ZNRF3: variants seen among roughly 807,000 people sequenced by gnomAD.
ZNRF3 encodes the protein E3 ubiquitin-protein ligase ZNRF3.
Under a neutral mutation model 72.5 loss-of-function variants are expected in ZNRF3, and 23 were observed. The observed-to-expected ratio is 0.32, with a 90% CI of 0.23 to 0.45. The LOEUF (loss-of-function observed/expected upper bound fraction) is 0.45, where lower values mean the gene tolerates loss of function less well. ZNRF3 is among the 20% of genes least tolerant of loss of function. The pLI is 1.00. For synonymous variants in ZNRF3, 610 were observed against 545.3 expected, an observed-to-expected ratio of 1.12 and a Z score of -1.65; for missense variants, 1,169 against 1,272.1, an observed-to-expected ratio of 0.92 and a Z score of 1.23.
intron 1 of ZNRF3, among the ~76,000 whole-genome samples, chr22:28,931,194 TC>T (rs1286604970): frequency 1.3e-5 from 2 of 152,342 alleles, no homozygotes; most frequent in Non-Finnish European, 1.5e-5. Flanking sequence ...CTTTTGTTCT[TC>T]CAGTGATTCG....
At chr22:28,928,526 C>CTCTG (rs2034644322) in intron 1 of ZNRF3, among the ~76,000 whole-genome samples, 1 of 122,816 alleles carries the variant, frequency 8.1e-6, no homozygotes, top group Admixed American at 1.0e-4. Flanking sequence ...CGGAGTCTTG[C>CTCTG]TCTGTCACTC....
chr22:28,886,714 T>G (rs1323827364), intron 1 of ZNRF3, among the ~76,000 whole-genome samples: 1 of 152,016 alleles, frequency 6.6e-6, no homozygotes, highest in Admixed American at 6.6e-5. Flanking sequence ...GTCTCAGCAT[T>G]TTGGGAGGCT....
intron 1 of ZNRF3, among the ~76,000 whole-genome samples, chr22:28,966,867 C>CTTTTTTTTTTTTTTTTTT (rs530036984): frequency 2.9e-5 from 3 of 102,460 alleles, no homozygotes; most frequent in African/African-American, 1.2e-4. Flanking sequence ...TTTTAAAAAT[C>CTTTTTTTTTTTTTTTTTT]TTTTTTTTTT....
At chr22:28,957,736 G>A (rs2035285246) in intron 1 of ZNRF3, among the ~76,000 whole-genome samples, 3 of 151,824 alleles carry the variant, frequency 2.0e-5, no homozygotes, top group African/African-American at 7.3e-5. Flanking sequence ...ACCACGCCCG[G>A]CCAATGACTG....
At chr22:29,047,005 T>C (rs1463414108) in intron 6 of ZNRF3, 122 bp downstream of exon 6, 11 of 953,196 alleles carry the variant, frequency 1.2e-5, no homozygotes, top group Non-Finnish European at 1.2e-5. Flanking sequence ...AGAGTCACTC[T>C]TCTGAAAATT....
At chr22:28,895,127 T>A (rs992330138) in intron 1 of ZNRF3, among the ~76,000 whole-genome samples, 1 of 152,202 alleles carries the variant, frequency 6.6e-6, no homozygotes, top group Non-Finnish European at 1.5e-5. Flanking sequence ...TTGGCAAGTC[T>A]CTTTTCTCTC....
chr22:28,917,848 T>G (rs2034437067), intron 1 of ZNRF3, among the ~76,000 whole-genome samples: 1 of 152,228 alleles, frequency 6.6e-6, no homozygotes, highest in Non-Finnish European at 1.5e-5. Context: ...GAGGGCGTGC[T>G]GTCCCCTGGC....
At chr22:28,977,315 G>T (rs1337625978) in intron 1 of ZNRF3, among the ~76,000 whole-genome samples, 1 of 152,094 alleles carries the variant, frequency 6.6e-6, no homozygotes, top group Non-Finnish European at 1.5e-5. Flanking sequence ...TCATTGCTAT[G>T]ACAACAGGGA....
At chr22:29,033,731 G>A (rs570247018) in intron 2 of ZNRF3, among the ~76,000 whole-genome samples, 1 of 152,306 alleles carries the variant, frequency 6.6e-6, no homozygotes, top group Admixed American at 6.5e-5. Flanking sequence ...GCAAAGGGCT[G>A]CAGTTTTGAC....
At position 29,050,656 on chromosome 22, in the gene ZNRF3, G is replaced by A. The variant is rs766390891; in HGVS notation, c.2475G>A (p.Leu825=). Residue 825 remains leucine, a synonymous_variant, in exon 8 of 9, where the codon CTG becomes CTA. Coordinates refer to ENST00000544604, the MANE Select transcript of ZNRF3 (RefSeq NM_001206998.2). ...GCTGCTACCCCGGGGCCCGGGACCTGAGCCAGCGCATCCCCATCATTCCAG... is the reference window on the plus strand; with the variant it reads ...GCTGCTACCCCGGGGCCCGGGACCTAAGCCAGCGCATCCCCATCATTCCAG... The part of the protein sequence containing the change: ...PPGCYPGARD[L]SQRIPIIPED... 2.0e-5 allele frequency: 32 copies of A among 1,612,102 alleles called. No homozygotes were observed. Among genetic ancestry groups the A allele is most frequent in the Non-Finnish European group, 2.7e-5 (32 of 1,179,566 alleles).
chr22:28,935,982 T>G (rs997369574), intron 1 of ZNRF3, among the ~76,000 whole-genome samples: 1 of 152,090 alleles, frequency 6.6e-6, no homozygotes, highest in Non-Finnish European at 1.5e-5. Context: ...GTGCCCTCTG[T>G]GATGTGAGAG....
intron 1 of ZNRF3, among the ~76,000 whole-genome samples, chr22:28,946,939 A>T (rs1211438602): frequency 6.6e-6 from 1 of 151,996 alleles, no homozygotes; most frequent in African/African-American, 2.4e-5. Context: ...TGCTTGGGAA[A>T]CCTGTAAGAA....
chr22:29,054,162 C>T lies in ZNRF3; in HGVS notation c.*540C>T, dbSNP rs2037258686. ...GAAGTAAAGCTAGTTGATAGGGGTA[C>T]AGGCTCTGAGGAGCAGTGCAAAACT... On this transcript the variant is annotated 3_prime_UTR_variant, in exon 9 of 9. Coordinates refer to ENST00000544604, the MANE Select transcript of ZNRF3 (RefSeq NM_001206998.2). 6.6e-6 allele frequency: 1 copy of T among 152,516 alleles called. No homozygotes were observed. 9.4% of individuals were successfully genotyped at this position (152,516 alleles called of 1,614,324 possible). A position where few individuals can be genotyped will look rare whatever the true frequency, so the allele number is the denominator to read the frequency against.
intron 5 of ZNRF3, 28 bp downstream of exon 5, chr22:29,044,918 CAG>C: frequency 6.6e-7 from 1 of 1,504,498 alleles, no homozygotes. Flanking sequence ...AGCCCGTGAG[CAG>C]TAACCCCTCT....
chr22:28,988,356 G>C (rs2035892819), intron 2 of ZNRF3, among the ~76,000 whole-genome samples: 1 of 152,176 alleles, frequency 6.6e-6, no homozygotes, highest in South Asian at 2.1e-4. Context: ...CAGGGTGCTA[G>C]AGAGGGAAGA....
chr22:28,937,075 G>A (rs140233832), intron 1 of ZNRF3, among the ~76,000 whole-genome samples: 6 of 151,450 alleles, frequency 4.0e-5, no homozygotes, highest in Admixed American at 1.3e-4. Context: ...ACTCTTAGCT[G>A]TCATGCCCTG....
intron 2 of ZNRF3, among the ~76,000 whole-genome samples, chr22:29,035,526 AAGTAG>A (rs1406560158): frequency 2.6e-5 from 4 of 152,178 alleles, no homozygotes; most frequent in African/African-American, 9.7e-5. Flanking sequence ...GTTAAGGGGG[AAGTAG>A]AGTACAGAAC....
intron 1 of ZNRF3, among the ~76,000 whole-genome samples, chr22:28,945,338 G>A (rs1434263203): frequency 2.0e-5 from 3 of 152,016 alleles, no homozygotes; most frequent in African/African-American, 7.2e-5. Flanking sequence ...CTTAATGTCA[G>A]GGGAAAATGC....
chr22:28,952,670 A>G (rs572934555), intron 1 of ZNRF3, among the ~76,000 whole-genome samples: 2 of 152,336 alleles, frequency 1.3e-5, no homozygotes, highest in South Asian at 4.1e-4. Context: ...GTTTATGAAG[A>G]TAATCTTCTG....
Sources: allele counts gnomAD v4.1 joint callset (sites outside exome capture counted in the v4.1 genomes callset), GRCh38; gene constraint gnomAD v4.1.1; transcripts MANE v1.5; gene names NCBI Gene and HGNC (gene_info 2026-07-23, HGNC 2026-07-21).